Variants in KIR3DL1 observed in about 807,000 individuals in gnomAD.
KIR3DL1 encodes killer cell immunoglobulin like receptor, three Ig domains and long cytoplasmic tail 1.
KIR3DL1 carries 50 observed loss-of-function variants against 40.3 expected under a neutral mutation model. The observed-to-expected ratio is 1.24, with a 90% CI of 0.99 to 1.57. KIR3DL1 has a LOEUF of 1.57. KIR3DL1 is among the 40% of genes most tolerant of loss of function. KIR3DL1 has a pLI of 0.00. For missense variants in KIR3DL1, 661 were observed against 559.9 expected, an observed-to-expected ratio of 1.18 and a Z score of -1.82; for synonymous variants, 257 against 207.2, an observed-to-expected ratio of 1.24 and a Z score of -2.07.
intron 6 of KIR3DL1, among the ~76,000 whole-genome samples, chr19:54,827,011 C>G (rs1285379095): frequency 6.6e-6 from 1 of 151,616 alleles, no homozygotes; most frequent in African/African-American, 2.4e-5. Flanking sequence ...AAGGGAGGCC[C>G]AGGTGCGTAA....
exon 9 of KIR3DL1, chr19:54,830,234 C>A: frequency 6.6e-7 from 1 of 1,524,692 alleles, no homozygotes; most frequent in African/African-American, 1.4e-5. Context: ...CACGGAACTT[C>A]CAAATGCTAA....
At chr19:54,817,399 G>A (rs1224258951) in intron 1 of KIR3DL1, 135 bp from the exon 2 acceptor site, 1 of 764,444 alleles carries the variant, frequency 1.3e-6, no homozygotes, top group Non-Finnish European at 2.3e-6. Flanking sequence ...TGTTCCTGGG[G>A]GCAGGTAGGC....
At chr19:54,820,120 G>A in intron 4 of KIR3DL1, 108 bp downstream of exon 4, 13 of 1,177,876 alleles carry the variant, frequency 1.1e-5, no homozygotes, top group Non-Finnish European at 1.6e-5. Flanking sequence ...GGATTCTTAT[G>A]GAAAGAGAGT....
chr19:54,825,489 C>T, intron 6 of KIR3DL1, among the ~76,000 whole-genome samples: 1 of 150,142 alleles, frequency 6.7e-6, no homozygotes, highest in Non-Finnish European at 1.5e-5. Context: ...CATGAAGCAA[C>T]CCTGGCTGAC....
At chr19:54,823,100 T>A (rs2061719741) in intron 5 of KIR3DL1, among the ~76,000 whole-genome samples, 1 of 150,774 alleles carries the variant, frequency 6.6e-6, no homozygotes, top group Non-Finnish European at 1.5e-5. Context: ...AGTGGTGAGA[T>A]CTTGGCTCAT....
At chr19:54,824,654 T>C (rs2061793365) in intron 5 of KIR3DL1, among the ~76,000 whole-genome samples, 1 of 150,788 alleles carries the variant, frequency 6.6e-6, no homozygotes, top group Admixed American at 6.6e-5. Context: ...CCAGCCTGCA[T>C]GACAGAGCAA....
intron 6 of KIR3DL1, 95 bp downstream of exon 6, chr19:54,825,173 ATGAGGGCCTGT>A: frequency 1.2e-6 from 1 of 825,510 alleles, no homozygotes; most frequent in Non-Finnish European, 2.1e-6. Context: ...AGCTCTGTGA[ATGAGGGCCTGT>A]CTTCCACCAT....
Position 54,816,623 on chromosome 19 carries a change from GGGCC to G in KIR3DL1, c.34+90_34+93del. ...GATATGGGCCTAGAGGTGGAGTTAT[GGGCC>G]TAGAGGTGGAGTTATGGGCCTGAAG... On this transcript the variant is annotated intron_variant, in intron 1 of 8. Transcript: ENST00000391728. The G allele has an allele frequency of 3.4e-6, 5 of 1,483,226 alleles. No homozygotes were observed. In the African/African-American group the frequency reaches 6.2e-5, roughly 18 times the overall value. 91.9% of individuals were successfully genotyped at this position (1,483,226 alleles called of 1,614,324 possible).
Position 54,821,682 on chromosome 19 carries a change from A to AG in KIR3DL1, c.779dup (p.Ala261SerfsTer3). ...TATGACATGTACCATCTATCCAGGG[A>AG]GGGGGGAGCCCATGAACGTAGGCTC... On this transcript the variant is annotated frameshift_variant, in exon 5 of 9. Coordinates refer to ENST00000391728, the Ensembl canonical transcript of KIR3DL1. LOFTEE classifies it high-confidence loss of function. 6.2e-7 allele frequency: 1 copy of AG among 1,609,766 alleles called. No individual in the cohort carries two copies. The highest frequency in any genetic ancestry group is 2.2e-5 in the East Asian group (1 of 44,774).
chr19:54,819,238 C>CAGGAACCCAGGTAAAGGACAAGTT (rs2061509398), intron 3 of KIR3DL1, among the ~76,000 whole-genome samples: 1 of 146,732 alleles, frequency 6.8e-6, no homozygotes, highest in South Asian at 2.3e-4. Flanking sequence ...GAAACCAACA[C>CAGGAACCCAGGTAAAGGACAAGTT]AGGAACCCAG....
Position 54,830,527 on chromosome 19 carries a change from C to T in KIR3DL1, c.*252C>T, listed in dbSNP as rs189668281. ...GTTCTCCATTTCACTTGACCCCTGC[C>T]CACCTCTCCAACCTAACTGGCTTAC... On this transcript the variant is annotated 3_prime_UTR_variant, in exon 9 of 9. Coordinates refer to ENST00000391728, the Ensembl canonical transcript of KIR3DL1. 3.0e-4 allele frequency: 154 copies of T among 513,598 alleles called. 9 individuals carry two copies. Among genetic ancestry groups the T allele is most frequent in the African/African-American group, 2.6e-3 (134 of 51,204 alleles). The allele number at this position is 513,598 out of a possible 1,614,324, so 31.8% of individuals were successfully genotyped here.
exon 4 of KIR3DL1, chr19:54,819,910 A>T (rs2148091098): frequency 6.2e-7 from 1 of 1,612,274 alleles, no homozygotes; most frequent in Non-Finnish European, 8.5e-7. Context: ...CATCGGTCCC[A>T]TGATGCTTGC....
exon 3 of KIR3DL1, chr19:54,818,561 G>C: frequency 6.2e-7 from 1 of 1,611,442 alleles, no homozygotes; most frequent in Non-Finnish European, 8.5e-7. Context: ...CCCACTGGGT[G>C]GTCGGCACCC....
chr19:54,817,400 G>A, intron 1 of KIR3DL1, 134 bp from the exon 2 acceptor site: 3 of 768,118 alleles, frequency 3.9e-6, no homozygotes, highest in Non-Finnish European at 6.8e-6. Flanking sequence ...GTTCCTGGGG[G>A]CAGGTAGGCA....
rs1329986260 is a variant in KIR3DL1 at position 54,823,088 on chromosome 19, T to A, written c.949+1230T>A. Among the ~76,000 whole-genome samples, 7 of 150,442 alleles carry A rather than the reference T, an allele frequency of 4.7e-5. 1 individual carries two copies. Among genetic ancestry groups the A allele is most frequent in the South Asian group, 4.3e-4 (2 of 4,674 alleles). The stretch of plus-strand genomic sequence containing the variant: ...TCCCTCCTTAGTCCAAGCTGGAGTC[T>A]AAGTGGTGAGATCTTGGCTCATTGC... On this transcript the variant is annotated intron_variant, in intron 5 of 8. Coordinates refer to ENST00000391728, the Ensembl canonical transcript of KIR3DL1.
chr19:54,818,614 G>A lies in KIR3DL1; in HGVS notation c.355+15G>A, dbSNP rs544143124. The stretch of plus-strand genomic sequence containing the variant: ...CATGGTCACAGGTCAGAGGCTTTCC[G>A]TCTGGGCTTCTCACTGTCCCACCTC... On this transcript the variant is annotated intron_variant, in intron 3 of 8. Transcript: ENST00000391728. 8.6e-5 allele frequency: 137 copies of A among 1,602,146 alleles called. 3 individuals carry two copies. The highest frequency in any genetic ancestry group is 1.0e-4 in the Non-Finnish European group (121 of 1,177,706).
chr19:54,819,890 C>T (rs2061546139), exon 4 of KIR3DL1: 1 of 1,612,208 alleles, frequency 6.2e-7, no homozygotes, highest in Non-Finnish European at 8.5e-7. Flanking sequence ...GTCTCCAAGG[C>T]CAATTTCTCC....
intron 5 of KIR3DL1, 95 bp from the exon 6 acceptor site, chr19:54,824,933 A>G (rs2061805668): frequency 1.0e-6 from 1 of 990,384 alleles, no homozygotes; most frequent in Non-Finnish European, 1.6e-6. Flanking sequence ...AACATTAGAT[A>G]ACAGAGTGTT....
rs192515534 is a variant in KIR3DL1, at chr19:54,819,831, G to A, written c.474G>A (p.Glu158=). 10 of 1,612,060 alleles carry A rather than the reference G, an allele frequency of 6.2e-6. 1 individual carries two copies. In the African/African-American group the frequency reaches 1.2e-4, roughly 19 times the overall value. Residue 158 remains glutamate, a synonymous_variant, in exon 4 of 9, where the codon GAG becomes GAA. Transcript: ENST00000391728. Reference sequence around the variant, plus strand: ...TTGAGCACTTCTTTCTGCACAAAGAGGGGATCTCTAAGGACCCCTCACGCC... The same window carrying A: ...TTGAGCACTTCTTTCTGCACAAAGAAGGGATCTCTAAGGACCCCTCACGCC...
Sources: allele counts gnomAD v4.1 joint callset (sites outside exome capture counted in the v4.1 genomes callset), GRCh38; gene constraint gnomAD v4.1.1; transcripts MANE v1.5; gene names NCBI Gene and HGNC (gene_info 2026-07-23, HGNC 2026-07-21).